The following PAK1 variants were observed in gnomAD, a reference collection of about 807,000 sequenced individuals.
The protein encoded by PAK1 is serine/threonine-protein kinase PAK 1.
In PAK1, 29 loss-of-function variants were observed where a neutral mutation model predicts 67.4. That is an observed-to-expected ratio of 0.43 (90% CI 0.32 to 0.59). The LOEUF is 0.59. PAK1 is among the 20% of genes least tolerant of loss of function. PAK1 has a pLI of 0.07. For synonymous variants in PAK1, 223 were observed against 237.4 expected (o/e 0.94, Z 0.56); for missense variants, 337 against 670.7 (o/e 0.50, Z 5.50).
intron 1 of PAK1, among the ~76,000 whole-genome samples, chr11:77,413,253 G>C (rs1465413513): frequency 6.6e-6 from 1 of 152,166 alleles, no homozygotes. Flanking sequence ...GTGGAGAAAG[G>C]GGGTAGGAGT....
the PAK1 span, among the ~76,000 whole-genome samples, chr11:77,493,680 G>A: frequency 2.0e-5 from 3 of 151,774 alleles, no homozygotes; most frequent in Non-Finnish European, 4.4e-5. Flanking sequence ...AAACCTTACT[G>A]AACCGAGAGT....
At chr11:77,524,598 G>T in the PAK1 span, among the ~76,000 whole-genome samples, 3 of 152,296 alleles carry the variant, frequency 2.0e-5, no homozygotes, top group African/African-American at 7.2e-5. Flanking sequence ...GAGGAGAGAA[G>T]GGCACACATC....
At chr11:77,491,781 G>A in the PAK1 span, among the ~76,000 whole-genome samples, 1 of 151,792 alleles carries the variant, frequency 6.6e-6, no homozygotes, top group Non-Finnish European at 1.5e-5. Context: ...AGAGGAAAGA[G>A]AAGACCACAA....
intron 1 of PAK1, among the ~76,000 whole-genome samples, chr11:77,420,549 T>C (rs1955203183): frequency 6.6e-6 from 1 of 152,224 alleles, no homozygotes; most frequent in South Asian, 2.1e-4. Flanking sequence ...AAAAATCTGA[T>C]TCATTTTTTA....
chr11:77,475,166 C>G (rs1467122804), upstream of PAK1: 1 of 152,076 alleles, frequency 6.6e-6, no homozygotes, highest in African/African-American at 2.4e-5. Context: ...ATGAATGGGC[C>G]ACCCATTCAA....
At chr11:77,481,410 C>G in the PAK1 span, among the ~76,000 whole-genome samples, 4 of 152,106 alleles carry the variant, frequency 2.6e-5, no homozygotes, top group African/African-American at 9.7e-5. Context: ...GGCACGGTGG[C>G]TCATGCCTGT....
At chr11:77,324,453 A>G (rs1939210211) in intron 14 of PAK1, among the ~76,000 whole-genome samples, 1 of 152,144 alleles carries the variant, frequency 6.6e-6, no homozygotes. Flanking sequence ...GATAACAGGC[A>G]TGAGCCACCG....
At chr11:77,426,539 C>T (rs994752593) in intron 1 of PAK1, among the ~76,000 whole-genome samples, 9 of 152,130 alleles carry the variant, frequency 5.9e-5, no homozygotes, top group Non-Finnish European at 1.2e-4. Flanking sequence ...ATATCAAGTT[C>T]ATCACATTCT....
intron 1 of PAK1, among the ~76,000 whole-genome samples, chr11:77,427,068 A>G (rs966993010): frequency 6.6e-6 from 1 of 152,184 alleles, no homozygotes; most frequent in Admixed American, 6.5e-5. Flanking sequence ...CTTCCCCTCT[A>G]GAAACCCCCA....
chr11:77,527,561 T>C, the PAK1 span, among the ~76,000 whole-genome samples: 1 of 152,200 alleles, frequency 6.6e-6, no homozygotes, highest in African/African-American at 2.4e-5. Context: ...TCCAAGGTAA[T>C]AGAGGTAGTA....
intron 4 of PAK1, among the ~76,000 whole-genome samples, chr11:77,375,081 A>G (rs918007461): frequency 3.3e-5 from 5 of 152,198 alleles, no homozygotes; most frequent in East Asian, 3.8e-4. Context: ...CCCTTATAAT[A>G]TTAATTATCA....
intron 1 of PAK1, among the ~76,000 whole-genome samples, chr11:77,472,661 T>C (rs1158292087): frequency 6.6e-6 from 1 of 152,028 alleles, no homozygotes; most frequent in East Asian, 1.9e-4. Context: ...CCTGACAGAG[T>C]TGAAAGAGAA....
the PAK1 span, among the ~76,000 whole-genome samples, chr11:77,506,117 T>C: frequency 6.6e-6 from 1 of 152,214 alleles, no homozygotes; most frequent in Admixed American, 6.5e-5. Flanking sequence ...ACGACTGACA[T>C]TTAAAGACAT....
At chr11:77,390,839 T>G (rs98703) in intron 2 of PAK1, among the ~76,000 whole-genome samples, 105,865 of 151,872 alleles carry the variant, frequency 0.7, 37,646 homozygotes, top group African/African-American at 0.84. Flanking sequence ...CAAAGGGAAG[T>G]GAAGGTGAAG....
intron 14 of PAK1, among the ~76,000 whole-genome samples, chr11:77,328,954 C>T (rs1940751270): frequency 1.3e-5 from 2 of 152,112 alleles, no homozygotes; most frequent in Admixed American, 1.3e-4. Flanking sequence ...AAGGGGAGAT[C>T]ACCACCGATC....
the PAK1 span, among the ~76,000 whole-genome samples, chr11:77,527,422 G>A: frequency 6.6e-6 from 1 of 152,124 alleles, no homozygotes; most frequent in Non-Finnish European, 1.5e-5. Context: ...AATTTATAGA[G>A]CATTTATTTT....
At chr11:77,498,624 T>C in the PAK1 span, among the ~76,000 whole-genome samples, 1 of 151,210 alleles carries the variant, frequency 6.6e-6, no homozygotes, top group South Asian at 2.1e-4. Flanking sequence ...CTCAAAAGAA[T>C]ACATGGTACA....
At chr11:77,340,617 A>AC (rs1773600560) in intron 11 of PAK1, 29 bp downstream of exon 11, 1 of 1,105,966 alleles carries the variant, frequency 9.0e-7, no homozygotes, top group Non-Finnish European at 1.4e-6. Flanking sequence ...GCAGCTTTCT[A>AC]CCCAAGACTG....
chr11:77,503,876 A>G, the PAK1 span, among the ~76,000 whole-genome samples: 3 of 152,176 alleles, frequency 2.0e-5, no homozygotes, highest in Non-Finnish European at 2.9e-5. Flanking sequence ...TAGTAATAAA[A>G]TAAAGTATTT....
Sources: gnomAD v4.1 joint callset for allele counts (sites outside exome capture counted in the v4.1 genomes callset) on GRCh38, gnomAD v4.1.1 for gene constraint, MANE v1.5 for transcripts, NCBI Gene and HGNC (gene_info 2026-07-23, HGNC 2026-07-21) for gene names.